NKD2: variants seen among roughly 807,000 people sequenced by gnomAD.
The protein encoded by NKD2 is protein naked cuticle homolog 2.
NKD2 carries 43 observed loss-of-function variants against 34.8 expected under a neutral mutation model. The observed-to-expected ratio is 1.24, with a 90% confidence interval of 0.97 to 1.60. The LOEUF (loss-of-function observed/expected upper bound fraction) is 1.60, where lower values mean the gene tolerates loss of function less well. Ranked by LOEUF, NKD2 falls within the 40% of genes most tolerant of loss-of-function variation. NKD2 has a pLI of 0.00. For synonymous variants in NKD2, 278 were observed against 265.1 expected, an observed-to-expected ratio of 1.05 and a Z score of -0.47; for missense variants, 675 against 627.1, an observed-to-expected ratio of 1.08 and a Z score of -0.82.
At position 1,009,092 on chromosome 5, in the gene NKD2, GGGCCGGTA is replaced by G. The variant is rs1221577959; in HGVS notation, c.25+13_25+20del. ...CTGCAGTCGAAGCACGGTGAGCCGCGGGCCGGTAGGGCGGGAGGGCGGGCGGGCGGGCG... is the reference window on the plus strand; with the variant it reads ...CTGCAGTCGAAGCACGGTGAGCCGCGGGGCGGGAGGGCGGGCGGGCGGGCG... On this transcript the variant is annotated intron_variant, in intron 1 of 9. Coordinates refer to ENST00000296849, the MANE Select transcript of NKD2 (RefSeq NM_033120.4). This position sits in a 1 kb window ranked among gnomAD's most constrained non-coding sequence, Gnocchi z 6.9. The G allele has an allele frequency of 6.7e-6, 3 of 449,598 alleles. No individual in the cohort carries two copies. The highest frequency in any genetic ancestry group is 6.3e-5 in the African/African-American group (3 of 47,792). 27.9% of individuals were successfully genotyped at this position (449,598 alleles called of 1,614,324 possible).
At chr5:1,015,404 A>G (rs577521127) in intron 3 of NKD2, among the ~76,000 whole-genome samples, 1 of 152,294 alleles carries the variant, frequency 6.6e-6, no homozygotes, top group East Asian at 1.9e-4. Context: ...CGGAAGCGGT[A>G]GTTCTTGAAG....
chr5:1,037,228 C>T (rs746788156), intron 9 of NKD2, among the ~76,000 whole-genome samples: 4 of 152,182 alleles, frequency 2.6e-5, no homozygotes, highest in African/African-American at 4.8e-5. Flanking sequence ...AGGCCACTCC[C>T]CAAGGGCTGG....
At chr5:1,035,147 A>G (rs1431879053) in intron 7 of NKD2, among the ~76,000 whole-genome samples, 1 of 150,962 alleles carries the variant, frequency 6.6e-6, no homozygotes, top group Non-Finnish European at 1.5e-5. Flanking sequence ...TTAATGAATG[A>G]ATGAGTTAAT....
At position 1,009,258 on chromosome 5, in the gene NKD2, GC is replaced by G; in HGVS notation, c.61+47del. 2.1e-6 allele frequency: 1 copy of G among 486,850 alleles called. No homozygotes were observed. Among genetic ancestry groups the G allele is most frequent in the Non-Finnish European group, 3.6e-6 (1 of 280,488 alleles). The allele number at this position is 486,850 out of a possible 1,614,324, so 30.2% of individuals were successfully genotyped here. The stretch of plus-strand genomic sequence containing the variant: ...GGGCGGGGCGGGGGGCGGCGACCCG[GC>G]CCGGGACCCTCAGAGCTAGGAGCCC... On this transcript the variant is annotated intron_variant, in intron 2 of 9. Transcript: ENST00000296849. This position sits in a 1 kb window ranked among gnomAD's most constrained non-coding sequence, Gnocchi z 6.9.
At chr5:1,029,360 C>T (rs1012665564) in intron 3 of NKD2, among the ~76,000 whole-genome samples, 1 of 152,148 alleles carries the variant, frequency 6.6e-6, no homozygotes. Flanking sequence ...GTTGGTGCAG[C>T]GTTGGCTACA....
intron 3 of NKD2, among the ~76,000 whole-genome samples, chr5:1,031,053 G>A (rs1756626562): frequency 6.6e-6 from 1 of 152,138 alleles, no homozygotes; most frequent in Non-Finnish European, 1.5e-5. Flanking sequence ...TACCCTGTTT[G>A]GACCCTGGCC....
intron 3 of NKD2, among the ~76,000 whole-genome samples, chr5:1,017,746 G>A (rs1756015377): frequency 6.6e-6 from 1 of 152,236 alleles, no homozygotes. Flanking sequence ...AGTGGCTGCT[G>A]GAAGGCAGGC....
intron 3 of NKD2, among the ~76,000 whole-genome samples, chr5:1,027,421 C>T (rs1756464157): frequency 6.6e-6 from 1 of 152,174 alleles, no homozygotes; most frequent in African/African-American, 2.4e-5. Context: ...CCGGGAGCCC[C>T]GAGGTCTGGA....
rs1255715399 is a variant in NKD2, at chr5:1,034,863, G to A, written c.534G>A (p.Glu178=). The change falls in exon 7 of 10, where the codon GAG becomes GAA. Residue 178 remains glutamate, a synonymous_variant. Coordinates refer to ENST00000296849, the MANE Select transcript of NKD2 (RefSeq NM_033120.4). ...GTGTGAAGCTAACCGTCAGCCCTGA[G>A]CCCTCCAGCAAGAGGAAGGAGGGTC... ...TLRVKLTVSP[E]PSSKRKEGPP... 7 of 1,612,490 alleles carry A rather than the reference G, an allele frequency of 4.3e-6. No homozygotes were observed. Among genetic ancestry groups the A allele is most frequent in the African/African-American group, 1.3e-5 (1 of 74,916 alleles).
At chr5:1,037,698 GGT>G in intron 9 of NKD2, 105 bp from the exon 10 acceptor site, 1 of 1,541,010 alleles carries the variant, frequency 6.5e-7, no homozygotes, top group East Asian at 2.4e-5. Context: ...ACTGGCCTCA[GGT>G]GGGACCCCTG....
intron 6 of NKD2, among the ~76,000 whole-genome samples, 197 bp from the exon 7 acceptor site, chr5:1,034,559 G>A (rs1268043134): frequency 3.3e-5 from 5 of 152,212 alleles, no homozygotes; most frequent in African/African-American, 1.2e-4. Flanking sequence ...CTGCCCTCAG[G>A]GCACTGGAGG....
At position 1,032,067 on chromosome 5, in the gene NKD2, C is replaced by T. The variant is rs1383795871; in HGVS notation, c.142-85C>T. ...GAGGCCTGAGGCGAGTGTCAGGCTC[C>T]AGTCCAGCCGCCCAGAGCTCCTGCC... On this transcript the variant is annotated intron_variant, in intron 3 of 9. Transcript: ENST00000296849. 18 of 1,102,632 alleles carry T rather than the reference C, an allele frequency of 1.6e-5. No individual in the cohort carries two copies. The East Asian group carries it at 3.6e-4, about 22-fold the overall frequency. 68.3% of individuals were successfully genotyped at this position (1,102,632 alleles called of 1,614,324 possible). A position where few individuals can be genotyped will look rare whatever the true frequency, so the allele number is the denominator to read the frequency against.
chr5:1,010,386 GA>G (rs143856196), intron 3 of NKD2, among the ~76,000 whole-genome samples: 6,293 of 152,288 alleles, frequency 0.041, 186 homozygotes, highest in Non-Finnish European at 0.064. Context: ...GAGGTCCCCA[GA>G]CACAGAACAT....
Position 1,034,862 on chromosome 5 carries a change from A to T in NKD2, c.533A>T (p.Glu178Val), listed in dbSNP as rs1243015478. 30 of 1,612,460 alleles carry T rather than the reference A, an allele frequency of 1.9e-5. No individual in the cohort carries two copies. Among genetic ancestry groups the T allele is most frequent in the Non-Finnish European group, 2.4e-5 (28 of 1,179,866 alleles). ...TLRVKLTVSP[E>V]PSSKRKEGPP... Reference sequence around the variant, plus strand: ...CGTGTGAAGCTAACCGTCAGCCCTGAGCCCTCCAGCAAGAGGAAGGAGGGT... The same window carrying T: ...CGTGTGAAGCTAACCGTCAGCCCTGTGCCCTCCAGCAAGAGGAAGGAGGGT... Residue 178 changes from glutamate (E) to valine (V), a missense_variant, in exon 7 of 10, where the codon GAG becomes GTG. Glu to Val is a moderately radical substitution (Grantham distance 121). Coordinates refer to ENST00000296849, the MANE Select transcript of NKD2 (RefSeq NM_033120.4).
intron 3 of NKD2, among the ~76,000 whole-genome samples, chr5:1,017,912 G>A (rs563405639): frequency 4.6e-5 from 7 of 151,788 alleles, no homozygotes; most frequent in Non-Finnish European, 7.4e-5. Flanking sequence ...GAGCTGGGGT[G>A]CAGGGCCTGT....
At chr5:1,026,531 T>C (rs78803441) in intron 3 of NKD2, among the ~76,000 whole-genome samples, 53 of 34,380 alleles carry the variant, frequency 1.5e-3, no homozygotes, top group Admixed American at 2.6e-3. Flanking sequence ...CCGCTGTGGG[T>C]GTCCCAGCCC....
intron 3 of NKD2, among the ~76,000 whole-genome samples, chr5:1,010,179 C>A (rs1204900935): frequency 2.0e-5 from 3 of 152,156 alleles, no homozygotes; most frequent in Admixed American, 2.0e-4. Flanking sequence ...GAGGAAGGTG[C>A]TATGTCCAGG....
In NKD2 at chr5:1,037,883, C is replaced by G. The variant is rs1381956740; in HGVS notation, c.866C>G (p.Pro289Arg). ...CAGGCCCGGTCCCGCTCCCAGGAGCCAGATACACATGCCGTACACCACCGC... is the reference window on the plus strand; with the variant it reads ...CAGGCCCGGTCCCGCTCCCAGGAGCGAGATACACATGCCGTACACCACCGC... ...HLQARSRSQE[P>R]DTHAVHHRRS... The change falls in exon 10 of 10, where the codon CCA becomes CGA. Residue 289 changes from proline to arginine, a missense_variant. Physicochemically the swap from Pro to Arg is moderately radical, Grantham distance 103. Coordinates refer to ENST00000296849, the MANE Select transcript of NKD2 (RefSeq NM_033120.4). 2 of 1,605,400 alleles carry G rather than the reference C, an allele frequency of 1.2e-6. No homozygotes were observed. Among genetic ancestry groups the G allele is most frequent in the East Asian group, 4.5e-5 (2 of 44,844 alleles).
At chr5:1,022,218 G>T (rs1756226168) in intron 3 of NKD2, among the ~76,000 whole-genome samples, 1 of 151,502 alleles carries the variant, frequency 6.6e-6, no homozygotes, top group Admixed American at 6.6e-5. Context: ...CCCGCTGTGG[G>T]TGTCCCAGCC....
Sources: gnomAD v4.1 joint callset for allele counts (sites outside exome capture counted in the v4.1 genomes callset) on GRCh38, gnomAD v4.1.1 for gene constraint, Gnocchi (gnomAD v3.1) non-coding constraint, MANE v1.5 for transcripts, NCBI Gene and HGNC (gene_info 2026-07-23, HGNC 2026-07-21) for gene names.